Variants in TRIP11 observed in about 807,000 individuals in gnomAD.
TRIP11 encodes the protein thyroid hormone receptor interactor 11.
TRIP11 carries 148 observed loss-of-function variants against 223.1 expected under a neutral mutation model. The observed-to-expected ratio is 0.66, with a 90% confidence interval of 0.58 to 0.76. TRIP11 has a LOEUF of 0.76. TRIP11 is among the 30% of genes least tolerant of loss of function. The pLI is 0.00. For synonymous variants in TRIP11, 762 were observed against 772.6 expected, an observed-to-expected ratio of 0.99 and a Z score of 0.23; for missense variants, 2,043 against 2,222.0, an observed-to-expected ratio of 0.92 and a Z score of 1.62.
chr14:91,975,051 C>T, intron 18 of TRIP11, 121 bp downstream of exon 18: 1 of 920,596 alleles, frequency 1.1e-6, no homozygotes, highest in African/African-American at 1.6e-5. Flanking sequence ...TGAAGTAATT[C>T]CATTTCCACA....
chr14:91,981,006 ATATATATTTTTTT>A (rs1424509906), intron 16 of TRIP11, among the ~76,000 whole-genome samples: 36 of 66,122 alleles, frequency 5.4e-4, no homozygotes, highest in African/African-American at 2.8e-3. Flanking sequence ...ATATATATAT[ATATATATTTTTTT>A]TTTTTTTTTT....
At position 91,968,442 on chromosome 14, in the gene TRIP11, G is replaced by A. The variant is rs559045946; in HGVS notation, c.*1231C>T. 2.9e-5 allele frequency: 6 copies of A among 210,366 alleles called. No individual in the cohort carries two copies. The highest frequency in any genetic ancestry group is 2.2e-4 in the East Asian group (3 of 13,948). 13.0% of individuals were successfully genotyped at this position (210,366 alleles called of 1,614,324 possible). On this transcript the variant is annotated 3_prime_UTR_variant, in exon 21 of 21. Transcript: ENST00000267622. ...GATTTCACTGCCCTCAGTGGCCACC[G>A]TGATAACAGTTGACTCTCGGATTGC...
In TRIP11 at chr14:92,001,789, A is replaced by G. The variant is rs543262368; in HGVS notation, c.4557+1630T>C. ...TTATAACCTTAAGAAGCTAGAGCCA[A>G]TTTGGGCTAGTGAACAATAGGAAGC... On this transcript the variant is annotated intron_variant, in intron 11 of 20. Transcript: ENST00000267622. 3.9e-5 allele frequency among the ~76,000 whole-genome samples: 6 copies of G among 152,328 alleles called. No homozygotes were observed. In the South Asian group the frequency reaches 1.2e-3, roughly 32 times the overall value.
In TRIP11 at chr14:91,976,025, T is replaced by C. The variant is rs190648965; in HGVS notation, c.5342+83A>G. On this transcript the variant is annotated intron_variant, in intron 17 of 20. Transcript: ENST00000267622. ...GGCTTTTGAAAAATTTAATCACATA[T>C]AAACATCTACATTTAGAAGTTTTTT... 1.2e-4 allele frequency: 165 copies of C among 1,336,168 alleles called. 1 individual carries two copies. In the East Asian group the frequency reaches 3.1e-3, roughly 25 times the overall value. 82.8% of individuals were successfully genotyped at this position (1,336,168 alleles called of 1,614,324 possible).
intron 13 of TRIP11, 30 bp from the exon 14 acceptor site, chr14:91,995,545 G>GCTTCAT (rs761594862): frequency 4.3e-6 from 7 of 1,612,226 alleles, no homozygotes; most frequent in Non-Finnish European, 5.9e-6. Flanking sequence ...AAGTCAAACT[G>GCTTCAT]CTTCATCTAT....
intron 17 of TRIP11, 22 bp from the exon 18 acceptor site, chr14:91,975,308 C>G (rs747641779): frequency 6.4e-7 from 1 of 1,568,982 alleles, no homozygotes; most frequent in South Asian, 1.1e-5. Context: ...AAGGCAGAAA[C>G]AGCTCAAGTG....
At chr14:92,035,573 ATTTAT>A (rs376399986) in intron 1 of TRIP11, among the ~76,000 whole-genome samples, 17,681 of 136,398 alleles carry the variant, frequency 0.13, 1,177 homozygotes, top group African/African-American at 0.19. Flanking sequence ...TTTTTTATTT[ATTTAT>A]TTATTTATTT....
chr14:92,040,028 C>T lies in TRIP11; in HGVS notation c.-343G>A, dbSNP rs1302370718. 9.4e-6 allele frequency: 4 copies of T among 425,906 alleles called. No individual in the cohort carries two copies. Among genetic ancestry groups the T allele is most frequent in the Non-Finnish European group, 1.8e-5 (4 of 228,134 alleles). The allele number at this position is 425,906 out of a possible 1,614,324, so 26.4% of individuals were successfully genotyped here. The stretch of plus-strand genomic sequence containing the variant: ...CTCCTGCCAACTCGACGCCGGCCGC[C>T]ATGACACTCGCTCGGAAAGCGGCAG... On this transcript the variant is annotated 5_prime_UTR_variant, in exon 1 of 21. It removes an upstream start codon present in the reference 5' UTR. Coordinates refer to ENST00000267622, the MANE Select transcript of TRIP11 (RefSeq NM_004239.4).
chr14:91,994,081 T>C (rs113588088), intron 14 of TRIP11, among the ~76,000 whole-genome samples, 169 bp from the exon 15 acceptor site: 1 of 152,268 alleles, frequency 6.6e-6, no homozygotes, highest in East Asian at 1.9e-4. Context: ...ATGAGATCAC[T>C]TTCCTCTGCC....
intron 16 of TRIP11, among the ~76,000 whole-genome samples, chr14:91,980,990 T>TTATATATATATATATATATATA (rs200939525): frequency 6.6e-5 from 5 of 75,384 alleles, no homozygotes; most frequent in African/African-American, 2.6e-4. Context: ...TATATGTATA[T>TTATATATATATATATATATATA]TATATATATA....
chr14:91,981,010 A>ATTT (rs1444189118), intron 16 of TRIP11, among the ~76,000 whole-genome samples: 1,331 of 55,698 alleles, frequency 0.024, 48 homozygotes, highest in Non-Finnish European at 0.032. Context: ...ATATATATAT[A>ATTT]TATTTTTTTT....
chr14:91,967,927 T>C lies in TRIP11; in HGVS notation c.*1746A>G. The stretch of plus-strand genomic sequence containing the variant: ...AGTTTGACAGTTCTAATATAGAACT[T>C]GCATGACAACTTCCTTTAAAGTATA... On this transcript the variant is annotated 3_prime_UTR_variant, in exon 21 of 21. Transcript: ENST00000267622. 5.0e-6 allele frequency: 1 copy of C among 201,134 alleles called. No individual in the cohort carries two copies. 12.5% of individuals were successfully genotyped at this position (201,134 alleles called of 1,614,324 possible).
rs186061256 is a variant in TRIP11 at position 91,977,733 on chromosome 14, G to T, written c.5261-1544C>A. ...CTTTGAGCCTTACAGATTAGGCCAG[G>T]TCTGTTTGCTTTATGTTTTCATTCT... On this transcript the variant is annotated intron_variant, in intron 16 of 20. Transcript: ENST00000267622. 2.4e-4 allele frequency among the ~76,000 whole-genome samples: 36 copies of T among 151,682 alleles called. No homozygotes were observed. In the East Asian group the frequency reaches 4.7e-3, roughly 20 times the overall value.
Position 91,967,499 on chromosome 14 carries a change from GCT to G in TRIP11, c.*2172_*2173del, listed in dbSNP as rs1414897957. 1.0e-5 allele frequency: 2 copies of G among 194,396 alleles called. No homozygotes were observed. Among genetic ancestry groups the G allele is most frequent in the African/African-American group, 4.6e-5 (2 of 43,046 alleles). The allele number at this position is 194,396 out of a possible 1,614,324, so 12.0% of individuals were successfully genotyped here. On this transcript the variant is annotated 3_prime_UTR_variant, in exon 21 of 21. Transcript: ENST00000267622. Reference sequence around the variant, plus strand: ...TTAAATAGCAGCCATTTAATATCATGCTCTGTGATGTTTAGCTATGCAATCCA... The same window carrying G: ...TTAAATAGCAGCCATTTAATATCATGCTGTGATGTTTAGCTATGCAATCCA...
intron 7 of TRIP11, among the ~76,000 whole-genome samples, chr14:92,012,593 T>G (rs764123470): frequency 6.6e-6 from 1 of 152,074 alleles, no homozygotes; most frequent in Non-Finnish European, 1.5e-5. Context: ...CAGTGGAGGT[T>G]AATACCTGCA....
At position 92,017,766 on chromosome 14, in the gene TRIP11, A is replaced by C. The variant is rs2057053639; in HGVS notation, c.589-16T>G. On this transcript the variant is annotated splice_polypyrimidine_tract_variant and intron_variant, in intron 4 of 20. Transcript: ENST00000267622. ...CTTTGGAAGTCTAGATCAGAAAAAG[A>C]GAATTAGTAAATAATTATACTGATT... is the stretch of plus-strand genomic sequence containing the variant. 1 of 1,602,480 alleles carries C rather than the reference A, an allele frequency of 6.2e-7. No individual in the cohort carries two copies.
intron 5 of TRIP11, among the ~76,000 whole-genome samples, chr14:92,016,945 C>CT (rs2057042080): frequency 6.6e-6 from 1 of 152,142 alleles, no homozygotes; most frequent in Non-Finnish European, 1.5e-5. Flanking sequence ...ATATATGCAA[C>CT]TAAGACTTTT....
chr14:91,981,694 T>C (rs558340723), intron 16 of TRIP11, among the ~76,000 whole-genome samples: 18 of 152,352 alleles, frequency 1.2e-4, no homozygotes, highest in Admixed American at 3.9e-4. Context: ...TGCCCAGCCC[T>C]GCTTTGTCTT....
intron 16 of TRIP11, among the ~76,000 whole-genome samples, chr14:91,980,663 T>C (rs2140089066): frequency 6.6e-6 from 1 of 152,270 alleles, no homozygotes; most frequent in Non-Finnish European, 1.5e-5. Context: ...CTGTTTAATG[T>C]TAATATTTTG....
Sources: gnomAD v4.1 joint callset for allele counts (sites outside exome capture counted in the v4.1 genomes callset) on GRCh38, gnomAD v4.1.1 for gene constraint, MANE v1.5 for transcripts, NCBI Gene and HGNC (gene_info 2026-07-23, HGNC 2026-07-21) for gene names.